Variants in PDE11A observed in about 807,000 individuals in gnomAD.
PDE11A encodes the protein phosphodiesterase 11A.
In PDE11A, 100 loss-of-function variants were observed where a neutral mutation model predicts 100.5. That is an observed-to-expected ratio of 1.00 (90% confidence interval 0.85 to 1.18). PDE11A has a LOEUF of 1.18. PDE11A is among the 50% of genes most tolerant of loss of function. The pLI is 0.00. For synonymous variants in PDE11A, 381 were observed against 420.8 expected (o/e 0.91, Z 1.16); for missense variants, 1,141 against 1,152.6 (o/e 0.99, Z 0.15).
intron 19 of PDE11A, among the ~76,000 whole-genome samples, chr2:177,648,277 T>C (rs562013897): frequency 9.6e-4 from 146 of 152,324 alleles, no homozygotes; most frequent in African/African-American, 3.4e-3. Flanking sequence ...AGGTATGTTA[T>C]TGTGGCTCTT....
chr2:178,094,655 T>G (rs575861020), intron 2 of PDE11A, among the ~76,000 whole-genome samples: 2 of 152,112 alleles, frequency 1.3e-5, no homozygotes, highest in Non-Finnish European at 2.9e-5. Context: ...AATTAAGGGC[T>G]CAAAGTAGAG....
chr2:177,863,299 G>T (rs1292157425), intron 5 of PDE11A, among the ~76,000 whole-genome samples: 2 of 151,884 alleles, frequency 1.3e-5, no homozygotes, highest in Non-Finnish European at 2.9e-5. Flanking sequence ...CACACCAAAA[G>T]CTCAGTCCAC....
intron 2 of PDE11A, among the ~76,000 whole-genome samples, chr2:177,923,121 C>T (rs1444769646): frequency 6.6e-6 from 1 of 151,942 alleles, no homozygotes; most frequent in African/African-American, 2.4e-5. Context: ...GTACATACCT[C>T]TAATGCAGTA....
intron 4 of PDE11A, among the ~76,000 whole-genome samples, chr2:177,882,947 A>G (rs1378034498): frequency 1.3e-5 from 2 of 152,148 alleles, no homozygotes; most frequent in Non-Finnish European, 2.9e-5. Flanking sequence ...CTATTTTTCT[A>G]TAAGAGGACT....
chr2:177,823,294 A>G (rs1261139093), intron 6 of PDE11A, among the ~76,000 whole-genome samples: 1 of 152,174 alleles, frequency 6.6e-6, no homozygotes, highest in Admixed American at 6.5e-5. Context: ...AGATAGAAAT[A>G]TTGAGATAAA....
At chr2:177,645,454 C>T (rs2080210016) in intron 19 of PDE11A, among the ~76,000 whole-genome samples, 1 of 152,208 alleles carries the variant, frequency 6.6e-6, no homozygotes, top group Admixed American at 6.5e-5. Flanking sequence ...CTTTGGCTTC[C>T]CAAAGTGCTG....
intron 2 of PDE11A, among the ~76,000 whole-genome samples, chr2:177,982,174 C>A (rs2695747): frequency 6.7e-6 from 1 of 150,220 alleles, no homozygotes; most frequent in Admixed American, 6.6e-5. Context: ...CAAAATGAAT[C>A]CTTTTCAGCT....
intron 2 of PDE11A, among the ~76,000 whole-genome samples, chr2:177,916,662 T>G (rs74672805): frequency 6.6e-6 from 1 of 152,210 alleles, no homozygotes; most frequent in African/African-American, 2.4e-5. Flanking sequence ...TCTCTAGTGC[T>G]GACATTTTCT....
intron 14 of PDE11A, 53 bp downstream of exon 14, chr2:177,701,068 A>G (rs1213321427): frequency 3.1e-6 from 3 of 969,726 alleles, no homozygotes; most frequent in Non-Finnish European, 5.1e-6. Context: ...GGGAGGAAAC[A>G]AAGAGTTGTT....
At position 177,907,511 on chromosome 2, in the gene PDE11A, T is replaced by C. The variant is rs535015140; in HGVS notation, c.1072-2324A>G. ...ATTACATCTGTTTTATATTCACTTA[T>C]GTTTTACCATTAATCCCAGTTTGCA... On this transcript the variant is annotated intron_variant, in intron 2 of 19. Coordinates refer to ENST00000286063, the MANE Select transcript of PDE11A (RefSeq NM_016953.4). Among the ~76,000 whole-genome samples, 190 of 152,376 alleles carry C rather than the reference T, an allele frequency of 1.2e-3. 1 individual carries two copies. The highest frequency in any genetic ancestry group is 2.2e-3 in the Non-Finnish European group (151 of 68,030).
chr2:177,673,496 A>G (rs1428892250), intron 17 of PDE11A, among the ~76,000 whole-genome samples: 1 of 152,112 alleles, frequency 6.6e-6, no homozygotes, highest in Non-Finnish European at 1.5e-5. Flanking sequence ...AATATCGCTC[A>G]TCTCTTCCCT....
chr2:178,018,264 C>T, intron 1 of PDE11A: 1 of 417,806 alleles, frequency 2.4e-6, no homozygotes. Flanking sequence ...CGATGGACTA[C>T]TCCCTGGCTA....
At chr2:177,887,738 A>G (rs2105713986) in intron 4 of PDE11A, among the ~76,000 whole-genome samples, 1 of 152,342 alleles carries the variant, frequency 6.6e-6, no homozygotes, top group South Asian at 2.1e-4. Context: ...TAGGTGACAG[A>G]GTGAAACCCT....
At chr2:177,829,259 T>C (rs1002931047) in intron 6 of PDE11A, among the ~76,000 whole-genome samples, 1 of 152,124 alleles carries the variant, frequency 6.6e-6, no homozygotes, top group Non-Finnish European at 1.5e-5. Context: ...ATTAAAAATA[T>C]GCATATACTG....
chr2:177,667,711 T>C (rs2080610859), intron 18 of PDE11A, among the ~76,000 whole-genome samples: 1 of 152,182 alleles, frequency 6.6e-6, no homozygotes, highest in Non-Finnish European at 1.5e-5. Flanking sequence ...GTTGACAAGA[T>C]CCTTGAGGGC....
At chr2:177,921,363 C>A (rs1406728763) in intron 2 of PDE11A, among the ~76,000 whole-genome samples, 1 of 150,772 alleles carries the variant, frequency 6.6e-6, no homozygotes, top group South Asian at 2.1e-4. Context: ...ATAATACATA[C>A]AACTTTACCC....
At chr2:178,042,309 G>A (rs1031962370) in intron 1 of PDE11A, among the ~76,000 whole-genome samples, 3 of 151,906 alleles carry the variant, frequency 2.0e-5, no homozygotes, top group Admixed American at 6.6e-5. Context: ...TTGAGACTCC[G>A]CCTCTACAAA....
chr2:177,661,357 T>C (rs1474248978), intron 19 of PDE11A, among the ~76,000 whole-genome samples: 3 of 152,216 alleles, frequency 2.0e-5, no homozygotes, highest in Non-Finnish European at 1.5e-5. Context: ...AACTTGACTT[T>C]CACTGAGTTA....
rs58636035 is a variant in PDE11A, at chr2:178,089,815, G to T, written c.162+14487C>A. Among the ~76,000 whole-genome samples the T allele has an allele frequency of 9.4e-3, 1,430 of 152,254 alleles. 21 individuals are homozygous for T. Among genetic ancestry groups the T allele is most frequent in the African/African-American group, 0.033 (1,366 of 41,550 alleles). ...CAGAAAGCAATGACAAGCCTGTGAG[G>T]GTAAACTGGTACCTGTGTTATCTGT... is the stretch of plus-strand genomic sequence containing the variant. On this transcript the variant is annotated intron_variant, in intron 2 of 20. Transcript: ENST00000358450.
Sources: gnomAD v4.1 joint callset for allele counts (sites outside exome capture counted in the v4.1 genomes callset) on GRCh38, gnomAD v4.1.1 for gene constraint, MANE v1.5 for transcripts, NCBI Gene and HGNC (gene_info 2026-07-23, HGNC 2026-07-21) for gene names.